Variants in ATP2A2 observed in about 807,000 individuals in gnomAD.
ATP2A2 encodes the protein ATPase sarcoplasmic/endoplasmic reticulum Ca2+ transporting 2.
Under a neutral mutation model 109.3 loss-of-function variants are expected in ATP2A2, and 14 were observed. That is an observed-to-expected ratio of 0.13 (90% confidence interval 0.08 to 0.20). The LOEUF (loss-of-function observed/expected upper bound fraction) is 0.20, where lower values mean the gene tolerates loss of function less well. Among genes scored for constraint, ATP2A2 ranks in the 10% least tolerant of loss-of-function variants. The pLI is 1.00. For missense variants in ATP2A2, 657 were observed against 1,321.6 expected (o/e 0.50, Z 7.80); for synonymous variants, 506 against 490.9 (o/e 1.03, Z -0.41).
chr12:110,349,090 C>T lies in ATP2A2; in HGVS notation c.*2620C>T, dbSNP rs1880158342. The stretch of plus-strand genomic sequence containing the variant: ...ACAGAGGAGCCCATGGAGGGACCCA[C>T]TTCCCTTGGTCCAGACAGCTGGGAG... On this transcript the variant is annotated 3_prime_UTR_variant, in exon 20 of 20. Transcript: ENST00000539276. 7.1e-6 allele frequency: 7 copies of T among 985,520 alleles called. No individual in the cohort carries two copies. In the South Asian group the frequency reaches 3.3e-4, roughly 46 times the overall value. The allele number at this position is 985,520 out of a possible 1,614,324, so 61.0% of individuals were successfully genotyped here. A position where few individuals can be genotyped will look rare whatever the true frequency, so the allele number is the denominator to read the frequency against.
intron 6 of ATP2A2, among the ~76,000 whole-genome samples, chr12:110,324,695 C>T (rs957603706): frequency 2.0e-5 from 3 of 152,106 alleles, no homozygotes; most frequent in Non-Finnish European, 4.4e-5. Flanking sequence ...GCTGGGATTA[C>T]AGGCATTTAA....
At position 110,339,632 on chromosome 12, in the gene ATP2A2, C is replaced by A. The variant is rs752163543; in HGVS notation, c.1672C>A (p.Leu558Met). 1 of 1,614,182 alleles carries A rather than the reference C, an allele frequency of 6.2e-7. No homozygotes were observed. Among genetic ancestry groups the A allele is most frequent in the South Asian group, 1.1e-5 (1 of 91,088 alleles). ...IREWGSGSDTLRCLALATHDN... is the reference protein window; with the variant it reads ...IREWGSGSDTMRCLALATHDN... The stretch of plus-strand genomic sequence containing the variant: ...AGAGTGGGGTAGTGGCAGCGACACA[C>A]TGCGATGCCTGGCCCTGGCCACTCA... The change falls in exon 13 of 20, where the codon CTG (leucine) becomes ATG (methionine). Residue 558 changes from leucine to methionine, a missense_variant. Physicochemically the swap from Leu to Met is conservative, Grantham distance 15 (BLOSUM62 2). Around this residue, in one of 9 missense-constraint regions of ATP2A2, gnomAD observed 180 missense variants for 329.1 expected, o/e 0.55. Transcript: ENST00000539276. The surrounding 1 kb of genome is among the most constrained non-coding windows in gnomAD (Gnocchi z 4.4).
chr12:110,342,040 T>G lies in ATP2A2; in HGVS notation c.2098-188T>G, dbSNP rs1474519298. Among the ~76,000 whole-genome samples the G allele has an allele frequency of 2.0e-5, 3 of 152,258 alleles. No individual in the cohort carries two copies. Among genetic ancestry groups the G allele is most frequent in the Non-Finnish European group, 4.4e-5 (3 of 68,050 alleles). On this transcript the variant is annotated intron_variant, in intron 14 of 19. Coordinates refer to ENST00000539276, the MANE Select transcript of ATP2A2 (RefSeq NM_170665.4). The surrounding 1 kb of genome is among the most constrained non-coding windows in gnomAD (Gnocchi z 4.6). Reference sequence around the variant, plus strand: ...GTCCCACTTCGGTAAACTTATTTGGTAATTTTACATTTCCTAGGTAAAATG... The same window carrying G: ...GTCCCACTTCGGTAAACTTATTTGGGAATTTTACATTTCCTAGGTAAAATG...
At chr12:110,307,842 T>C (rs1875548582) in intron 5 of ATP2A2, among the ~76,000 whole-genome samples, 2 of 152,242 alleles carry the variant, frequency 1.3e-5, no homozygotes, top group Admixed American at 6.5e-5. Flanking sequence ...GCAGAAACTC[T>C]TTCGTTTAAC....
chr12:110,350,444 G>A lies in ATP2A2; in HGVS notation c.*3974G>A. 7.3e-7 allele frequency: 1 copy of A among 1,369,516 alleles called. No individual in the cohort carries two copies. Among genetic ancestry groups the A allele is most frequent in the Non-Finnish European group, 1.0e-6 (1 of 968,886 alleles). The allele number at this position is 1,369,516 out of a possible 1,614,324, so 84.8% of individuals were successfully genotyped here. On this transcript the variant is annotated 3_prime_UTR_variant, in exon 20 of 20. Transcript: ENST00000539276. ...TAAAAAACTTCCCAACTCACTTTGTGTTATGTGGAGGAAATGTGTATTACC... is the reference window on the plus strand; with the variant it reads ...TAAAAAACTTCCCAACTCACTTTGTATTATGTGGAGGAAATGTGTATTACC...
Position 110,347,958 on chromosome 12 carries a change from C to CGG in ATP2A2, c.*1490_*1491dup, listed in dbSNP as rs1291455902. ...TGCCTGTGGCGCCTGCCATGTGACT[C>CGG]GGGCGCAGCATCAGCTGGCTGGAGG... On this transcript the variant is annotated 3_prime_UTR_variant, in exon 20 of 20. Coordinates refer to ENST00000539276, the MANE Select transcript of ATP2A2 (RefSeq NM_170665.4). 1.0e-6 allele frequency: 1 copy of CGG among 987,346 alleles called. No individual in the cohort carries two copies. The highest frequency in any genetic ancestry group is 1.7e-5 in the African/African-American group (1 of 57,278). 61.2% of individuals were successfully genotyped at this position (987,346 alleles called of 1,614,324 possible).
At position 110,316,257 on chromosome 12, in the gene ATP2A2, C is replaced by A. The variant is rs576835470; in HGVS notation, c.464-6735C>A. Among the ~76,000 whole-genome samples the A allele has an allele frequency of 1.2e-3, 178 of 152,266 alleles. 1 individual carries two copies. The highest frequency in any genetic ancestry group is 4.1e-3 in the African/African-American group (171 of 41,544). ...GTCTTCTGACAGTCTATGGAAATTTCTTTGGCAGTCTTAATTACTCTACCA... is the reference window on the plus strand; with the variant it reads ...GTCTTCTGACAGTCTATGGAAATTTATTTGGCAGTCTTAATTACTCTACCA... On this transcript the variant is annotated intron_variant, in intron 5 of 19. Transcript: ENST00000539276.
intron 5 of ATP2A2, among the ~76,000 whole-genome samples, chr12:110,303,511 A>G (rs1008814948): frequency 6.6e-6 from 1 of 152,178 alleles, no homozygotes; most frequent in Non-Finnish European, 1.5e-5. Context: ...CCCTGGTTCA[A>G]GCGATTCTCC....
chr12:110,282,162 C>T (rs1872178606), intron 1 of ATP2A2, among the ~76,000 whole-genome samples: 1 of 152,226 alleles, frequency 6.6e-6, no homozygotes, highest in African/African-American at 2.4e-5. Context: ...CAGCAGCAGC[C>T]GGCCCCGGTG....
At chr12:110,319,223 G>GAAAAAAAAAAAAA (rs59623372) in intron 5 of ATP2A2, among the ~76,000 whole-genome samples, 43 of 63,430 alleles carry the variant, frequency 6.8e-4, no homozygotes, top group African/African-American at 8.9e-4. Context: ...AATAAAAAAT[G>GAAAAAAAAAAAAA]AAAAAAAAAA....
intron 5 of ATP2A2, among the ~76,000 whole-genome samples, chr12:110,312,775 A>G (rs1363968428): frequency 6.6e-6 from 1 of 151,192 alleles, no homozygotes; most frequent in Non-Finnish European, 1.5e-5. Context: ...GCCTAAACCC[A>G]GGAGATGGAA....
intron 9 of ATP2A2, 73 bp from the exon 10 acceptor site, chr12:110,333,108 G>C (rs953106852): frequency 2.1e-5 from 25 of 1,211,314 alleles, no homozygotes; most frequent in South Asian, 1.2e-4. Context: ...AAACAATTGC[G>C]GGGGGGCAGG....
Position 110,340,766 on chromosome 12 carries a change from C to T in ATP2A2, c.1869C>T (p.Ile623=). ...AAGCAGGCATCCGGGTCATCATGAT[C>T]ACTGGGGACAACAAGGGCACTGCTG... ...CRQAGIRVIM[I]TGDNKGTAVA... The change falls in exon 14 of 20, where the codon ATC becomes ATT. Residue 623 remains isoleucine, a synonymous_variant. Transcript: ENST00000539276. The surrounding 1 kb of genome is among the most constrained non-coding windows in gnomAD (Gnocchi z 6.0). 2.5e-6 allele frequency: 4 copies of T among 1,614,124 alleles called. No individual in the cohort carries two copies. The highest frequency in any genetic ancestry group is 3.4e-6 in the Non-Finnish European group (4 of 1,180,010).
At chr12:110,324,601 T>C (rs557668518) in intron 6 of ATP2A2, among the ~76,000 whole-genome samples, 6 of 152,244 alleles carry the variant, frequency 3.9e-5, no homozygotes, top group Middle Eastern at 3.4e-3. Context: ...TTTGTATTTT[T>C]AGTAGAGACG....
intron 5 of ATP2A2, among the ~76,000 whole-genome samples, chr12:110,322,734 A>G (rs1877372688): frequency 6.6e-6 from 1 of 152,204 alleles, no homozygotes; most frequent in Admixed American, 6.5e-5. Flanking sequence ...ATACAGAGCA[A>G]AATTTCTTAG....
In ATP2A2 at chr12:110,338,456, C is replaced by T. The variant is rs138870128; in HGVS notation, c.1420-825C>T. 6.9e-3 allele frequency among the ~76,000 whole-genome samples: 1,047 copies of T among 152,302 alleles called. 1 individual carries two copies. The highest frequency in any genetic ancestry group is 9.5e-3 in the Non-Finnish European group (643 of 68,026). Reference sequence around the variant, plus strand: ...CTGAATGGTATTCCTTGTCTCCCTTCAGCCAATGCTTTTGTTTTTTGAGAT... The same window carrying T: ...CTGAATGGTATTCCTTGTCTCCCTTTAGCCAATGCTTTTGTTTTTTGAGAT... On this transcript the variant is annotated intron_variant, in intron 11 of 19. Coordinates refer to ENST00000539276, the MANE Select transcript of ATP2A2 (RefSeq NM_170665.4).
At chr12:110,345,951 C>T (rs746163259) in intron 18 of ATP2A2, 50 bp from the exon 19 acceptor site, 2 of 1,568,886 alleles carry the variant, frequency 1.3e-6, no homozygotes, top group East Asian at 2.2e-5. Context: ...GCCACTGTGA[C>T]ACGTGCCTTG....
intron 9 of ATP2A2, 34 bp from the exon 10 acceptor site, chr12:110,333,147 T>TA: frequency 6.4e-7 from 1 of 1,563,636 alleles, no homozygotes; most frequent in Non-Finnish European, 8.8e-7. Flanking sequence ...GTGGCGACCA[T>TA]ACCCTGCTCT....
At chr12:110,336,163 G>A (rs994400019) in intron 11 of ATP2A2, among the ~76,000 whole-genome samples, 3 of 152,114 alleles carry the variant, frequency 2.0e-5, no homozygotes, top group African/African-American at 7.2e-5. Context: ...TCATCACCAT[G>A]GGGCTGCCAG....
Sources: allele counts gnomAD v4.1 joint callset (sites outside exome capture counted in the v4.1 genomes callset), GRCh38; gene constraint gnomAD v4.1.1; regional missense constraint gnomAD v4.1.1; non-coding constraint Gnocchi (gnomAD v3.1); transcripts MANE v1.5; gene names NCBI Gene and HGNC (gene_info 2026-07-23, HGNC 2026-07-21).